ZNF420: variants seen among roughly 807,000 people sequenced by gnomAD.
ZNF420 encodes the protein zinc finger protein 420, also known as ATM and p53-associated KZNF protein.
ZNF420 carries 31 observed loss-of-function variants against 44.7 expected under a neutral mutation model. The observed-to-expected ratio is 0.69, with a 90% CI of 0.52 to 0.94. ZNF420 has a LOEUF of 0.94. ZNF420 is among the 40% of genes least tolerant of loss of function. The probability of loss-of-function intolerance (pLI) is 0.00; values close to 1 mark genes in which losing one functional copy is unlikely to be tolerated. For missense variants in ZNF420, 681 were observed against 827.9 expected (o/e 0.82, Z 2.18); for synonymous variants, 245 against 267.4 (o/e 0.92, Z 0.82).
intron 4 of ZNF420, among the ~76,000 whole-genome samples, chr19:37,123,333 G>A (rs1413088275): frequency 6.6e-6 from 1 of 152,136 alleles, no homozygotes; most frequent in Admixed American, 6.6e-5. Context: ...CTGAGACTGA[G>A]GTCAGATGGA....
At chr19:37,032,507 G>GC (rs754054285) in intron 1 of ZNF420, among the ~76,000 whole-genome samples, 1,265 of 124,114 alleles carry the variant, frequency 0.01, 23 homozygotes, top group African/African-American at 0.036. Flanking sequence ...CGGTCTTTAA[G>GC]AAAAAAAAAA....
intron 1 of ZNF420, among the ~76,000 whole-genome samples, chr19:37,009,976 C>T (rs1170962685): frequency 2.6e-5 from 4 of 152,166 alleles, no homozygotes; most frequent in Non-Finnish European, 4.4e-5. Context: ...CAGCCACCAC[C>T]GCGCTGCAGC....
intron 1 of ZNF420, among the ~76,000 whole-genome samples, chr19:37,038,160 G>C (rs531949029): frequency 4.6e-5 from 7 of 152,080 alleles, no homozygotes; most frequent in Non-Finnish European, 1.0e-4. Flanking sequence ...TTACACTATT[G>C]TAGTCAATTA....
intron 4 of ZNF420, chr19:37,109,497 G>A (rs1970269359): frequency 6.6e-6 from 1 of 152,120 alleles, no homozygotes. Context: ...TTCTTTAATT[G>A]TGCCCAAGTC....
At chr19:37,102,320 G>A (rs538313160) in intron 4 of ZNF420, among the ~76,000 whole-genome samples, 90 of 152,300 alleles carry the variant, frequency 5.9e-4, no homozygotes, top group Non-Finnish European at 1.1e-3. Flanking sequence ...CATGAGATAC[G>A]GATGAATCTT....
chr19:37,116,368 C>CAA (rs57611154), intron 4 of ZNF420, among the ~76,000 whole-genome samples: 2,014 of 75,216 alleles, frequency 0.027, 86 homozygotes, highest in African/African-American at 0.059. Context: ...GACTCCACCT[C>CAA]AAAAAAAAAA....
At chr19:37,087,684 C>T (rs894866378) in intron 2 of ZNF420, among the ~76,000 whole-genome samples, 5 of 152,102 alleles carry the variant, frequency 3.3e-5, no homozygotes, top group Admixed American at 2.6e-4. Context: ...CTCACTCTGT[C>T]GCCCAGGCTG....
chr19:37,113,233 C>T (rs73930907), intron 4 of ZNF420, among the ~76,000 whole-genome samples: 2 of 152,142 alleles, frequency 1.3e-5, no homozygotes, highest in African/African-American at 2.4e-5. Context: ...GGCTCTTTAT[C>T]TGTTCTTGTA....
At chr19:37,058,647 G>A (rs528415849) in intron 1 of ZNF420, among the ~76,000 whole-genome samples, 1 of 152,122 alleles carries the variant, frequency 6.6e-6, no homozygotes, top group Non-Finnish European at 1.5e-5. Flanking sequence ...CTGGTTCTCA[G>A]AGGCGCTATG....
chr19:37,101,018 A>G (rs1240431251), intron 4 of ZNF420, among the ~76,000 whole-genome samples: 2 of 112,758 alleles, frequency 1.8e-5, no homozygotes, highest in African/African-American at 6.8e-5. Context: ...TTTGCTATCT[A>G]TTATAAATGG....
chr19:37,110,897 TG>T (rs1418179160), intron 4 of ZNF420, among the ~76,000 whole-genome samples: 1 of 152,218 alleles, frequency 6.6e-6, no homozygotes, highest in African/African-American at 2.4e-5. Context: ...TTTTTGTTTT[TG>T]GGTAATGATT....
intron 2 of ZNF420, among the ~76,000 whole-genome samples, chr19:37,083,183 T>A (rs1968565180): frequency 6.6e-6 from 1 of 151,484 alleles, no homozygotes; most frequent in Non-Finnish European, 1.5e-5. Context: ...TTTTTTTTTT[T>A]ATTTTAGTAA....
intron 1 of ZNF420, among the ~76,000 whole-genome samples, chr19:37,071,162 C>G (rs1968051350): frequency 6.6e-6 from 1 of 152,142 alleles, no homozygotes; most frequent in Non-Finnish European, 1.5e-5. Flanking sequence ...ACTATAAATT[C>G]AAACTTTGAA....
chr19:37,105,990 G>C (rs7257633), intron 4 of ZNF420, among the ~76,000 whole-genome samples: 80,200 of 151,982 alleles, frequency 0.53, 22,188 homozygotes, highest in African/African-American at 0.66. Flanking sequence ...GGGACAATTT[G>C]ACTTCCTCTT....
At chr19:37,038,711 G>C (rs1007206237) in intron 1 of ZNF420, among the ~76,000 whole-genome samples, 1 of 152,144 alleles carries the variant, frequency 6.6e-6, no homozygotes, top group Admixed American at 6.5e-5. Flanking sequence ...CCAGCACTTT[G>C]GGAGGCCAAG....
chr19:37,057,865 G>A (rs1967788546), intron 1 of ZNF420, among the ~76,000 whole-genome samples: 2 of 152,094 alleles, frequency 1.3e-5, no homozygotes, highest in Non-Finnish European at 2.9e-5. Flanking sequence ...ATCTCCTCGC[G>A]GCTTTTCTCT....
At chr19:37,075,877 G>T (rs1232829089), upstream of ZNF420, among the ~76,000 whole-genome samples, 1 of 151,982 alleles carries the variant, frequency 6.6e-6, no homozygotes, top group Non-Finnish European at 1.5e-5. Context: ...TCTCCCTAAA[G>T]GTTACCATTA....
In ZNF420 at chr19:37,128,280, G is replaced by T; in HGVS notation, c.1289G>T (p.Arg430Leu). 2 of 1,613,720 alleles carry T rather than the reference G, an allele frequency of 1.2e-6. No homozygotes were observed. The highest frequency in any genetic ancestry group is 1.7e-6 in the Non-Finnish European group (2 of 1,179,894). Residue 430 changes from arginine (R) to leucine (L), a missense_variant, in exon 5 of 5, where the codon CGT becomes CTT. Transcript: ENST00000337995. ...AAGGAATGTGGAAAAGCGTTTAATC[G>T]TGGCTCACTCCTTACACGACACCAG... is the stretch of plus-strand genomic sequence containing the variant. ...QCKECGKAFN[R>L]GSLLTRHQRI...
intron 1 of ZNF420, among the ~76,000 whole-genome samples, chr19:37,038,843 C>T (rs1484161109): frequency 6.6e-6 from 1 of 151,936 alleles, no homozygotes; most frequent in Non-Finnish European, 1.5e-5. Flanking sequence ...CAACATTAGC[C>T]GGAATGGCAG....
Sources: gnomAD v4.1 joint callset for allele counts (sites outside exome capture counted in the v4.1 genomes callset) on GRCh38, gnomAD v4.1.1 for gene constraint, MANE v1.5 for transcripts, NCBI Gene and HGNC (gene_info 2026-07-23, HGNC 2026-07-21) for gene names.